Variants in GABRA3 observed in about 807,000 individuals in gnomAD.
The protein encoded by GABRA3 is gamma-aminobutyric acid receptor subunit alpha-3.
GABRA3 carries 10 observed loss-of-function variants against 30.1 expected under a neutral mutation model. The observed-to-expected ratio is 0.33, with a 90% CI of 0.20 to 0.56. The LOEUF is 0.56. Ranked by LOEUF, GABRA3 falls within the 20% of genes least tolerant of loss-of-function variation. GABRA3 has a pLI of 0.89. For synonymous variants in GABRA3, 151 were observed against 146.8 expected (o/e 1.03, Z -0.21); for missense variants, 233 against 392.0 (o/e 0.59, Z 3.42).
rs186660936 is a variant in GABRA3, at chrX:152,332,875, C to A, written c.262+12706G>T. ...TTTTAAAATTTTATGGTCAAAAATTCTCTTTGGAGGCTTGGGAATTCAAAT... is the reference window on the plus strand; with the variant it reads ...TTTTAAAATTTTATGGTCAAAAATTATCTTTGGAGGCTTGGGAATTCAAAT... On this transcript the variant is annotated intron_variant, in intron 3 of 9. Coordinates refer to ENST00000370314, the MANE Select transcript of GABRA3 (RefSeq NM_000808.4). Among the ~76,000 whole-genome samples the A allele has an allele frequency of 1.4e-4, 16 of 112,456 alleles. No homozygotes were observed. The East Asian group carries it at 4.5e-3, about 32-fold the overall frequency.
chrX:152,210,193 C>T (rs1937616381), intron 6 of GABRA3, among the ~76,000 whole-genome samples: 1 of 111,428 alleles, frequency 9.0e-6, no homozygotes, highest in African/African-American at 3.3e-5. Flanking sequence ...TAATGAATAG[C>T]ATAATTTTGA....
chrX:152,366,297 C>A (rs1928659976), intron 1 of GABRA3, among the ~76,000 whole-genome samples: 1 of 111,640 alleles, frequency 9.0e-6, no homozygotes, highest in Non-Finnish European at 1.9e-5. Flanking sequence ...GACACTTGGG[C>A]TAGGATATGA....
chrX:152,241,358 C>G (rs756819802), intron 5 of GABRA3, among the ~76,000 whole-genome samples: 4 of 94,814 alleles, frequency 4.2e-5, no homozygotes, highest in African/African-American at 1.0e-4. Flanking sequence ...GGCAGTCTGC[C>G]GGTTCTCAGA....
At chrX:152,189,988 G>C in intron 8 of GABRA3, 47 bp from the exon 9 acceptor site, 1 of 905,286 alleles carries the variant, frequency 1.1e-6, no homozygotes, top group East Asian at 3.2e-5. Flanking sequence ...AAGACATTGA[G>C]AGCTTATTCG....
At chrX:152,447,403 G>T (rs1051093040) in intron 1 of GABRA3, among the ~76,000 whole-genome samples, 2 of 111,653 alleles carry the variant, frequency 1.8e-5, no homozygotes, top group Non-Finnish European at 3.8e-5. Context: ...TCTATCCACT[G>T]TAAGAAATTT....
At chrX:152,229,218 G>GA (rs943549290) in intron 5 of GABRA3, among the ~76,000 whole-genome samples, 5 of 111,264 alleles carry the variant, frequency 4.5e-5, no homozygotes, top group African/African-American at 1.6e-4. Context: ...AGAATCCCCT[G>GA]AAAATGTGGC....
intron 1 of GABRA3, among the ~76,000 whole-genome samples, chrX:152,429,909 C>T (rs1352724251): frequency 8.9e-6 from 1 of 112,235 alleles, no homozygotes; most frequent in African/African-American, 3.2e-5. Context: ...TCTGTTGCTT[C>T]ACAACATAGA....
chrX:152,295,730 T>C (rs1939517891), intron 3 of GABRA3, among the ~76,000 whole-genome samples: 1 of 112,277 alleles, frequency 8.9e-6, no homozygotes, highest in African/African-American at 3.2e-5. Context: ...CCCAATGAGA[T>C]GAAACGTTTA....
chrX:152,345,620 G>A lies in GABRA3; in HGVS notation c.223C>T (p.Leu75=), dbSNP rs1335708937. 1.7e-6 allele frequency: 2 copies of A among 1,207,631 alleles called. No homozygotes were observed. Among genetic ancestry groups the A allele is most frequent in the Non-Finnish European group, 2.2e-6 (2 of 894,143 alleles). Residue 75 remains leucine, a synonymous_variant, in exon 3 of 10, where the codon CTG becomes TTG. Transcript: ENST00000370314. ...CGCAGCCGGTTGTCATAGCCGTCCAGAAGACGATCCAAGATTCTGGTGAAG... is the reference window on the plus strand; with the variant it reads ...CGCAGCCGGTTGTCATAGCCGTCCAAAAGACGATCCAAGATTCTGGTGAAG... ...TIFTRILDRL[L]DGYDNRLRPG...
chrX:152,197,189 C>G (rs184483488), intron 8 of GABRA3, among the ~76,000 whole-genome samples: 10 of 111,650 alleles, frequency 9.0e-5, no homozygotes, highest in African/African-American at 2.3e-4. Flanking sequence ...GTGGCCTTTA[C>G]ACAATATCAG....
At chrX:152,410,424 A>G (rs1275375658) in intron 1 of GABRA3, among the ~76,000 whole-genome samples, 1 of 111,760 alleles carries the variant, frequency 8.9e-6, no homozygotes, top group African/African-American at 3.2e-5. Flanking sequence ...GGGTACCCCA[A>G]TTATGCCATT....
intron 2 of GABRA3, among the ~76,000 whole-genome samples, chrX:152,350,054 A>G (rs1940454289): frequency 1.1e-5 from 1 of 89,551 alleles, no homozygotes; most frequent in Non-Finnish European, 2.2e-5. Context: ...ACATAGTTGG[A>G]AGTAAAGCTC....
intron 8 of GABRA3, among the ~76,000 whole-genome samples, chrX:152,192,919 A>G (rs754485810): frequency 7.2e-5 from 8 of 111,468 alleles, no homozygotes; most frequent in Non-Finnish European, 1.1e-4. Flanking sequence ...TGAATGCATA[A>G]CCCCCTTTTG....
At chrX:152,331,536 GAC>G (rs1462928780) in intron 3 of GABRA3, among the ~76,000 whole-genome samples, 2 of 111,802 alleles carry the variant, frequency 1.8e-5, no homozygotes, top group Non-Finnish European at 3.8e-5. Flanking sequence ...TTTGCCCAGG[GAC>G]ACACAGAATG....
chrX:152,360,021 A>G (rs937618903), intron 2 of GABRA3, among the ~76,000 whole-genome samples: 1 of 101,847 alleles, frequency 9.8e-6, no homozygotes, highest in Non-Finnish European at 2.0e-5. Flanking sequence ...GCTGCATAGT[A>G]TTCCATGGTG....
intron 1 of GABRA3, among the ~76,000 whole-genome samples, chrX:152,374,639 C>G (rs907124649): frequency 1.8e-5 from 2 of 111,548 alleles, no homozygotes; most frequent in South Asian, 3.7e-4. Flanking sequence ...CGTGAGCCAC[C>G]GCGCTTGGCC....
rs1480559068 is a variant in GABRA3, at chrX:152,355,182, G to A, written c.140+9249C>T. On this transcript the variant is annotated intron_variant, in intron 2 of 9. Coordinates refer to ENST00000370314, the MANE Select transcript of GABRA3 (RefSeq NM_000808.4). ...GTCACCATGGCCACCACCATATGATGTTGATGCAGAAAATGTGTTAATATA... is the reference window on the plus strand; with the variant it reads ...GTCACCATGGCCACCACCATATGATATTGATGCAGAAAATGTGTTAATATA... Among the ~76,000 whole-genome samples the A allele has an allele frequency of 2.7e-5, 3 of 111,301 alleles. No individual in the cohort carries two copies. The East Asian group carries it at 8.6e-4, about 32-fold the overall frequency.
chrX:152,377,620 G>GA (rs774177425), intron 1 of GABRA3, among the ~76,000 whole-genome samples: 6 of 105,151 alleles, frequency 5.7e-5, no homozygotes, highest in African/African-American at 6.9e-5. Flanking sequence ...AAATAAGAGA[G>GA]AAAAAAAAAC....
At chrX:152,355,656 T>C (rs1485039881) in intron 2 of GABRA3, among the ~76,000 whole-genome samples, 1 of 112,127 alleles carries the variant, frequency 8.9e-6, no homozygotes, top group African/African-American at 3.2e-5. Flanking sequence ...CTGTATTCTC[T>C]GGGATCCTGA....
Sources: allele counts gnomAD v4.1 joint callset (sites outside exome capture counted in the v4.1 genomes callset), GRCh38; gene constraint gnomAD v4.1.1; transcripts MANE v1.5; gene names NCBI Gene and HGNC (gene_info 2026-07-23, HGNC 2026-07-21).